Variants in HERC3 observed in about 807,000 individuals in gnomAD.
HERC3 encodes the protein probable E3 ubiquitin-protein ligase HERC3.
In HERC3, 58 loss-of-function variants were observed where a neutral mutation model predicts 129.9. The observed-to-expected ratio is 0.45, with a 90% CI of 0.36 to 0.56. The LOEUF (loss-of-function observed/expected upper bound fraction) is 0.56, where lower values mean the gene tolerates loss of function less well. HERC3 is among the 20% of genes least tolerant of loss of function. HERC3 has a pLI of 0.00. For synonymous variants in HERC3, 430 were observed against 451.0 expected (o/e 0.95, Z 0.59); for missense variants, 835 against 1,244.2 (o/e 0.67, Z 4.95).
intron 3 of HERC3, among the ~76,000 whole-genome samples, chr4:88,649,090 C>A (rs553763594): frequency 6.6e-6 from 1 of 152,186 alleles, no homozygotes; most frequent in African/African-American, 2.4e-5. Context: ...GAGTTCATTT[C>A]CTTCTGTTTA....
At chr4:88,594,928 C>G (rs897657056) in intron 1 of HERC3, among the ~76,000 whole-genome samples, 1 of 151,532 alleles carries the variant, frequency 6.6e-6, no homozygotes, top group Non-Finnish European at 1.5e-5. Context: ...ATGGTGAAAC[C>G]CCTTCTCTAC....
the HERC3 span, among the ~76,000 whole-genome samples, chr4:88,566,205 T>C: frequency 6.6e-6 from 1 of 152,202 alleles, no homozygotes; most frequent in Non-Finnish European, 1.5e-5. Context: ...TAGCTTCCAC[T>C]TATAAGTCAG....
At chr4:88,646,740 TA>T (rs1013844124) in intron 3 of HERC3, among the ~76,000 whole-genome samples, 9 of 152,140 alleles carry the variant, frequency 5.9e-5, no homozygotes, top group African/African-American at 2.2e-4. Context: ...TGGGCTGACC[TA>T]GGGGGTAGAT....
chr4:88,552,712 A>T, the HERC3 span, among the ~76,000 whole-genome samples: 4 of 152,248 alleles, frequency 2.6e-5, no homozygotes, highest in African/African-American at 9.6e-5. Context: ...GCATAATAAA[A>T]TCTGATTAAA....
chr4:88,698,350 G>A (rs1259276804), intron 23 of HERC3, among the ~76,000 whole-genome samples: 1 of 151,930 alleles, frequency 6.6e-6, no homozygotes, highest in Non-Finnish European at 1.5e-5. Context: ...TCCAAGCTCT[G>A]TACCTATGTG....
chr4:88,631,728 A>G (rs937513742), intron 3 of HERC3, among the ~76,000 whole-genome samples: 2 of 152,030 alleles, frequency 1.3e-5, no homozygotes, highest in East Asian at 3.9e-4. Context: ...CTGTGCCTTT[A>G]TTTTTTCATT....
the HERC3 span, among the ~76,000 whole-genome samples, chr4:88,562,975 G>A: frequency 2.0e-5 from 3 of 152,122 alleles, no homozygotes; most frequent in African/African-American, 7.2e-5. Flanking sequence ...GATGGCTTTG[G>A]CTATTCTGGA....
At chr4:88,643,935 A>G (rs1728415570) in intron 3 of HERC3, among the ~76,000 whole-genome samples, 1 of 152,226 alleles carries the variant, frequency 6.6e-6, no homozygotes, top group Non-Finnish European at 1.5e-5. Flanking sequence ...AAAACAACTC[A>G]ATAGTGAAAT....
At chr4:88,667,278 A>G (rs1731149983) in intron 12 of HERC3, 99 bp from the exon 13 acceptor site, 1 of 541,210 alleles carries the variant, frequency 1.8e-6, no homozygotes, top group African/African-American at 2.0e-5. Flanking sequence ...TCAAATTTAA[A>G]TCTGATTACT....
chr4:88,527,279 T>G, the HERC3 span: 3 of 151,006 alleles, frequency 2.0e-5, no homozygotes, highest in Admixed American at 6.6e-5. Flanking sequence ...TGAGACAGGA[T>G]CTTGCTCTAT....
chr4:88,646,531 T>C (rs1179352553), intron 3 of HERC3, among the ~76,000 whole-genome samples: 2 of 152,252 alleles, frequency 1.3e-5, no homozygotes, highest in Non-Finnish European at 2.9e-5. Flanking sequence ...TACCAAATGC[T>C]TCTTCAGTGT....
At chr4:88,704,911 A>T (rs1735653610) in intron 25 of HERC3, among the ~76,000 whole-genome samples, 1 of 142,846 alleles carries the variant, frequency 7.0e-6, no homozygotes, top group Non-Finnish European at 1.5e-5. Flanking sequence ...CCCAGGCTGG[A>T]GTGCAGTGGC....
chr4:88,533,323 A>G, the HERC3 span, among the ~76,000 whole-genome samples: 1 of 152,140 alleles, frequency 6.6e-6, no homozygotes, highest in Non-Finnish European at 1.5e-5. Flanking sequence ...CTCCCAGTCC[A>G]CTGACTGAAA....
intron 19 of HERC3, among the ~76,000 whole-genome samples, chr4:88,679,651 T>C (rs1732550214): frequency 6.6e-6 from 1 of 151,860 alleles, no homozygotes; most frequent in African/African-American, 2.4e-5. Context: ...TCCCGAGTAG[T>C]GGATTACAGG....
chr4:88,636,166 T>C (rs1306940677), intron 3 of HERC3, among the ~76,000 whole-genome samples: 1 of 152,188 alleles, frequency 6.6e-6, no homozygotes, highest in Non-Finnish European at 1.5e-5. Flanking sequence ...CTTAAATGTA[T>C]ATAGGCTAAA....
upstream of HERC3, among the ~76,000 whole-genome samples, chr4:88,589,658 C>T (rs1721613035): frequency 3.3e-5 from 5 of 152,292 alleles, no homozygotes; most frequent in South Asian, 1.0e-3. Context: ...TAAACCATGG[C>T]CTCTTCAAAA....
rs143629727 is a variant in HERC3 at position 88,662,352 on chromosome 4, G to T, written c.1147-79G>T. ...GATCATAAGTGAAACGTAAAATGGAGAATATGTGGGAGAAAGGAGAGGAGA... is the reference window on the plus strand; with the variant it reads ...GATCATAAGTGAAACGTAAAATGGATAATATGTGGGAGAAAGGAGAGGAGA... On this transcript the variant is annotated intron_variant, in intron 10 of 25. Transcript: ENST00000402738. The T allele has an allele frequency of 2.8e-5, 39 of 1,379,792 alleles. No individual in the cohort carries two copies. In the East Asian group the frequency reaches 9.1e-4, roughly 32 times the overall value. 85.5% of individuals were successfully genotyped at this position (1,379,792 alleles called of 1,614,324 possible).
chr4:88,550,454 A>G, the HERC3 span, among the ~76,000 whole-genome samples: 2 of 152,032 alleles, frequency 1.3e-5, no homozygotes, highest in East Asian at 1.9e-4. Flanking sequence ...TACAAAATCA[A>G]TGTACAAAAA....
At chr4:88,686,844 C>T (rs1560764847) in intron 22 of HERC3, 42 bp downstream of exon 22, 2 of 1,363,524 alleles carry the variant, frequency 1.5e-6, no homozygotes. Context: ...GGCTGTCTCT[C>T]TTACCATCTT....
Sources: allele counts gnomAD v4.1 joint callset (sites outside exome capture counted in the v4.1 genomes callset), GRCh38; gene constraint gnomAD v4.1.1; transcripts MANE v1.5; gene names NCBI Gene and HGNC (gene_info 2026-07-23, HGNC 2026-07-21).